The following PCDHGA10 variants were observed in gnomAD, a reference collection of about 807,000 sequenced individuals.
PCDHGA10 encodes the protein protocadherin gamma-A10.
PCDHGA10 carries 42 observed loss-of-function variants against 59.5 expected under a neutral mutation model. The observed-to-expected ratio is 0.71, with a 90% CI of 0.55 to 0.91. PCDHGA10 has a LOEUF of 0.91. Ranked by LOEUF, PCDHGA10 falls within the 40% of genes least tolerant of loss-of-function variation. The pLI, the probability that PCDHGA10 is intolerant of heterozygous loss-of-function variation, is 0.00. For missense variants in PCDHGA10, 1,111 were observed against 1,198.2 expected (o/e 0.93, Z 1.07); for synonymous variants, 511 against 517.2 (o/e 0.99, Z 0.16).
At chr5:141,427,115 C>G (rs1276437779) in intron 1 of PCDHGA10, 5 of 457,520 alleles carry the variant, frequency 1.1e-5, no homozygotes, top group African/African-American at 1.0e-4. Flanking sequence ...AGATCACCTA[C>G]TCTTTCAAAT....
At position 141,473,311 on chromosome 5, in the gene PCDHGA10, A is replaced by G. The variant is rs139053997; in HGVS notation, c.2437-21496A>G. On this transcript the variant is annotated intron_variant, in intron 1 of 3. Coordinates refer to ENST00000398610, the MANE Select transcript of PCDHGA10 (RefSeq NM_018913.3). ...TCAGTAGCATAAAGATTGCTATATTAATAAGCATTAAGTGCCTGCTGTGCT... is the reference window on the plus strand; with the variant it reads ...TCAGTAGCATAAAGATTGCTATATTGATAAGCATTAAGTGCCTGCTGTGCT... Among the ~76,000 whole-genome samples, 1,321 of 152,342 alleles carry G rather than the reference A, an allele frequency of 8.7e-3. 28 individuals carry two copies. Among genetic ancestry groups the G allele is most frequent in the African/African-American group, 0.03 (1,236 of 41,582 alleles).
chr5:141,452,010 G>A (rs955708033), intron 1 of PCDHGA10, among the ~76,000 whole-genome samples: 1 of 152,192 alleles, frequency 6.6e-6, no homozygotes, highest in African/African-American at 2.4e-5. Context: ...ACTTGGTCCA[G>A]CCCACACTCT....
chr5:141,417,892 C>G lies in PCDHGA10; in HGVS notation c.2436+2281C>G, dbSNP rs550343206. On this transcript the variant is annotated intron_variant, in intron 1 of 3. Coordinates refer to ENST00000398610, the MANE Select transcript of PCDHGA10 (RefSeq NM_018913.3). Reference sequence around the variant, plus strand: ...GGAGCTGCGCGCAGAGGCGCCGGGCCGGCCCGCGGCAGGTACTATTTCCTT... The same window carrying G: ...GGAGCTGCGCGCAGAGGCGCCGGGCGGGCCCGCGGCAGGTACTATTTCCTT... 2.2e-4 allele frequency: 348 copies of G among 1,570,774 alleles called. 2 individuals carry two copies. The South Asian group carries it at 3.7e-3, about 17-fold the overall frequency.
chr5:141,486,444 T>G lies in PCDHGA10; in HGVS notation c.2437-8363T>G. 1 of 1,614,086 alleles carries G rather than the reference T, an allele frequency of 6.2e-7. No homozygotes were observed. Among genetic ancestry groups the G allele is most frequent in the Non-Finnish European group, 8.5e-7 (1 of 1,179,930 alleles). ...GAGGCCAAATCTAGCTATGACATCA[T>G]GGTCACTGCTTCTGATGCTGGGAAC... On this transcript the variant is annotated intron_variant, in intron 1 of 3. Coordinates refer to ENST00000398610, the MANE Select transcript of PCDHGA10 (RefSeq NM_018913.3). The surrounding 1 kb of genome is among the most constrained non-coding windows in gnomAD (Gnocchi z 5.0).
Position 141,485,790 on chromosome 5 carries a change from C to T in PCDHGA10, c.2437-9017C>T. On this transcript the variant is annotated intron_variant, in intron 1 of 3. Transcript: ENST00000398610. This position sits in a 1 kb window ranked among gnomAD's most constrained non-coding sequence, Gnocchi z 5.7. The stretch of plus-strand genomic sequence containing the variant: ...AAGCCTTTGGATCGAGAGAAGCAAT[C>T]GGACTACCGCCTGGTGCTGACTGCT... 6.2e-7 allele frequency: 1 copy of T among 1,614,204 alleles called. No homozygotes were observed. Among genetic ancestry groups the T allele is most frequent in the Non-Finnish European group, 8.5e-7 (1 of 1,180,032 alleles).
chr5:141,473,850 G>A (rs1490458424), intron 1 of PCDHGA10, among the ~76,000 whole-genome samples: 1 of 152,184 alleles, frequency 6.6e-6, no homozygotes, highest in African/African-American at 2.4e-5. Flanking sequence ...TTAGGAAGAT[G>A]AACCTCGCTA....
At position 141,487,493 on chromosome 5, in the gene PCDHGA10, C is replaced by A. The variant is rs1372433097; in HGVS notation, c.2437-7314C>A. 5.6e-6 allele frequency: 9 copies of A among 1,614,050 alleles called. No individual in the cohort carries two copies. The highest frequency in any genetic ancestry group is 6.8e-6 in the Non-Finnish European group (8 of 1,180,034). On this transcript the variant is annotated intron_variant, in intron 1 of 3. Coordinates refer to ENST00000398610, the MANE Select transcript of PCDHGA10 (RefSeq NM_018913.3). This position sits in a 1 kb window ranked among gnomAD's most constrained non-coding sequence, Gnocchi z 5.0. ...GGGAGGCCACTCTCATGGCTGTACACCCTTGGCTTCTGCACCCACTCGGAG... is the reference window on the plus strand; with the variant it reads ...GGGAGGCCACTCTCATGGCTGTACAACCTTGGCTTCTGCACCCACTCGGAG...
intron 1 of PCDHGA10, chr5:141,420,119 T>C: frequency 6.2e-7 from 1 of 1,614,044 alleles, no homozygotes; most frequent in Non-Finnish European, 8.5e-7. Context: ...TGCCTATAAT[T>C]TTTGTGTGCC....
chr5:141,454,990 T>C (rs548911982), intron 1 of PCDHGA10, among the ~76,000 whole-genome samples: 1 of 151,490 alleles, frequency 6.6e-6, no homozygotes, highest in African/African-American at 2.4e-5. Context: ...TAAAAAATAT[T>C]TTTAGTAGAG....
rs771088007 is a variant in PCDHGA10 at position 141,423,000 on chromosome 5, G to T, written c.2436+7389G>T. On this transcript the variant is annotated intron_variant, in intron 1 of 3. Coordinates refer to ENST00000398610, the MANE Select transcript of PCDHGA10 (RefSeq NM_018913.3). ...CGGAACCTGGCTACCTGGTGACCAA[G>T]GTGGTTGCGGTGGACAAAGATTCAG... The T allele has an allele frequency of 2.5e-6, 4 of 1,614,116 alleles. No individual in the cohort carries two copies. The African/African-American group carries it at 5.3e-5, about 22-fold the overall frequency.
intron 1 of PCDHGA10, among the ~76,000 whole-genome samples, chr5:141,455,286 T>G (rs889792228): frequency 6.6e-6 from 1 of 152,176 alleles, no homozygotes; most frequent in African/African-American, 2.4e-5. Flanking sequence ...AACATCACTT[T>G]ACATAGTTTC....
intron 1 of PCDHGA10, among the ~76,000 whole-genome samples, chr5:141,474,114 C>T (rs940809934): frequency 2.6e-5 from 4 of 152,224 alleles, no homozygotes; most frequent in South Asian, 2.1e-4. Context: ...ACAACAACAA[C>T]GAAAATCTCA....
chr5:141,475,761 T>C (rs1430719406), intron 1 of PCDHGA10, among the ~76,000 whole-genome samples: 3 of 152,248 alleles, frequency 2.0e-5, no homozygotes, highest in Admixed American at 6.5e-5. Flanking sequence ...GCACCGATAC[T>C]GGCAAGGCGC....
In PCDHGA10 at chr5:141,476,584, C is replaced by A; in HGVS notation, c.2437-18223C>A. ...TGGCTCCGGGGACGCGCTTTCCGCTCGAGAGCGCGCACGATCCCGATGTGG... is the reference window on the plus strand; with the variant it reads ...TGGCTCCGGGGACGCGCTTTCCGCTAGAGAGCGCGCACGATCCCGATGTGG... On this transcript the variant is annotated intron_variant, in intron 1 of 3. Coordinates refer to ENST00000398610, the MANE Select transcript of PCDHGA10 (RefSeq NM_018913.3). This position sits in a 1 kb window ranked among gnomAD's most constrained non-coding sequence, Gnocchi z 7.6. The A allele has an allele frequency of 6.2e-7, 1 of 1,614,216 alleles. No homozygotes were observed. The highest frequency in any genetic ancestry group is 8.5e-7 in the Non-Finnish European group (1 of 1,180,042).
chr5:141,433,837 C>CAA (rs56191208), intron 1 of PCDHGA10, among the ~76,000 whole-genome samples: 9,379 of 111,452 alleles, frequency 0.084, 424 homozygotes, highest in African/African-American at 0.14. Flanking sequence ...AACTCTATCT[C>CAA]AAAAAAAAAA....
At chr5:141,445,553 A>G (rs948468877) in intron 1 of PCDHGA10, among the ~76,000 whole-genome samples, 1 of 152,252 alleles carries the variant, frequency 6.6e-6, no homozygotes, top group Non-Finnish European at 1.5e-5. Context: ...ATACAAAAGC[A>G]CTAAGAGAAA....
chr5:141,505,960 G>A (rs2099849410), intron 3 of PCDHGA10, among the ~76,000 whole-genome samples: 1 of 152,202 alleles, frequency 6.6e-6, no homozygotes, highest in Non-Finnish European at 1.5e-5. Context: ...AGTGGGTGTA[G>A]AAATCCCCAG....
rs1239481973 is a variant in PCDHGA10 at position 141,491,585 on chromosome 5, C to G, written c.2437-3222C>G. On this transcript the variant is annotated intron_variant, in intron 1 of 3. Coordinates refer to ENST00000398610, the MANE Select transcript of PCDHGA10 (RefSeq NM_018913.3). The surrounding 1 kb of genome is among the most constrained non-coding windows in gnomAD (Gnocchi z 6.9). ...TACAGGACGTGCTTTTCACCGGCCT[C>G]GGACGGCAGTGACTTCACTTTTCTA... 6.2e-7 allele frequency: 1 copy of G among 1,613,964 alleles called. No individual in the cohort carries two copies.
chr5:141,470,459 A>T (rs59770804), intron 1 of PCDHGA10, among the ~76,000 whole-genome samples: 32,627 of 152,034 alleles, frequency 0.21, 3,610 homozygotes, highest in African/African-American at 0.27. Context: ...CTTGAATAGG[A>T]TTTTCTGATA....
Sources: gnomAD v4.1 joint callset for allele counts (sites outside exome capture counted in the v4.1 genomes callset) on GRCh38, gnomAD v4.1.1 for gene constraint, Gnocchi (gnomAD v3.1) non-coding constraint, MANE v1.5 for transcripts, NCBI Gene and HGNC (gene_info 2026-07-23, HGNC 2026-07-21) for gene names.